Variants in AOPEP observed in about 807,000 individuals in gnomAD.
AOPEP encodes the protein aminopeptidase O.
AOPEP carries 77 observed loss-of-function variants against 98.1 expected under a neutral mutation model. The ratio of observed to expected loss-of-function variants is 0.78; its 90% CI spans 0.65 to 0.95. The LOEUF is 0.95. Among genes scored for constraint, AOPEP ranks in the 40% least tolerant of loss-of-function variants. The pLI is 0.00. For missense variants in AOPEP, 1,024 were observed against 1,024.7 expected (o/e 1.00, Z 0.01); for synonymous variants, 346 against 365.3 (o/e 0.95, Z 0.60).
intron 5 of AOPEP, among the ~76,000 whole-genome samples, chr9:94,903,831 T>C (rs1448056829): frequency 7.1e-6 from 1 of 139,936 alleles, no homozygotes; most frequent in Admixed American, 7.7e-5. Context: ...GAGAAGGAGG[T>C]TGCAGTGAGC....
intron 13 of AOPEP, 144 bp downstream of exon 13, chr9:95,005,760 C>T (rs1444968195): frequency 1.8e-5 from 12 of 674,168 alleles, no homozygotes; most frequent in Non-Finnish European, 2.7e-5. Context: ...TGGGGAAATT[C>T]TACAGAAATA....
chr9:94,807,667 T>G (rs1391223116), intron 5 of AOPEP, among the ~76,000 whole-genome samples: 1 of 152,210 alleles, frequency 6.6e-6, no homozygotes, highest in Non-Finnish European at 1.5e-5. Context: ...AAAAGAACAA[T>G]GGAGTTCAGT....
At chr9:94,754,623 C>T (rs1181462252) in intron 1 of AOPEP, among the ~76,000 whole-genome samples, 1 of 152,210 alleles carries the variant, frequency 6.6e-6, no homozygotes. Context: ...ATTGAAATCA[C>T]AAATACCTTT....
At chr9:95,090,315 G>A (rs2070848596), downstream of AOPEP, among the ~76,000 whole-genome samples, 1 of 152,256 alleles carries the variant, frequency 6.6e-6, no homozygotes, top group Non-Finnish European at 1.5e-5. Flanking sequence ...GCCGGGTCCA[G>A]TCCTTCCCCC....
chr9:95,018,742 C>T (rs546963540), intron 13 of AOPEP: 34 of 152,344 alleles, frequency 2.2e-4, no homozygotes, highest in African/African-American at 6.3e-4. Context: ...AGCACACAGG[C>T]GCTGGGTGGT....
chr9:94,901,040 C>A (rs2050323438), intron 5 of AOPEP: 1 of 152,054 alleles, frequency 6.6e-6, no homozygotes, highest in African/African-American at 2.4e-5. Flanking sequence ...AAGGTGGTTG[C>A]CATTTGGCTT....
intron 7 of AOPEP, among the ~76,000 whole-genome samples, chr9:94,945,330 A>C (rs2137631736): frequency 6.6e-6 from 1 of 152,246 alleles, no homozygotes; most frequent in South Asian, 2.1e-4. Flanking sequence ...CCCAGATATG[A>C]ATGTTCCGTT....
chr9:94,838,909 C>CT (rs35849023), intron 5 of AOPEP, among the ~76,000 whole-genome samples: 76,698 of 99,924 alleles, frequency 0.77, 31,447 homozygotes, highest in Non-Finnish European at 0.86. Context: ...AAATGCTATT[C>CT]TTTTTTTTTT....
chr9:95,111,661 G>C, the AOPEP span: 1 of 1,613,952 alleles, frequency 6.2e-7, no homozygotes, highest in South Asian at 1.1e-5. Flanking sequence ...AGAACACATG[G>C]CAGTTGACAA....
intron 16 of AOPEP, chr9:95,085,095 C>A (rs1181975211): frequency 2.9e-5 from 11 of 376,746 alleles, no homozygotes; most frequent in African/African-American, 2.3e-4. Context: ...ACTAAACGAA[C>A]AACAAACAGA....
intron 1 of AOPEP, among the ~76,000 whole-genome samples, chr9:94,756,383 G>A (rs925904863): frequency 5.3e-5 from 8 of 152,072 alleles, no homozygotes; most frequent in Admixed American, 2.0e-4. Context: ...GGGCAACATG[G>A]CAAGACCTCG....
chr9:94,788,145 T>G lies in AOPEP; in HGVS notation c.965-4620T>G, dbSNP rs368574930. On this transcript the variant is annotated intron_variant, in intron 3 of 16. Transcript: ENST00000375315. Reference sequence around the variant, plus strand: ...GAGTGTAGTGGTGTGATCACAGCTCTACTGCAGCCTGACCTCCTGGGCCCA... The same window carrying G: ...GAGTGTAGTGGTGTGATCACAGCTCGACTGCAGCCTGACCTCCTGGGCCCA... Among the ~76,000 whole-genome samples the G allele has an allele frequency of 1.8e-4, 28 of 152,212 alleles. No homozygotes were observed. In the East Asian group the frequency reaches 4.6e-3, roughly 25 times the overall value.
intron 4 of AOPEP, among the ~76,000 whole-genome samples, chr9:94,799,292 T>C (rs1847704937): frequency 6.6e-6 from 1 of 152,120 alleles, no homozygotes; most frequent in South Asian, 2.1e-4. Flanking sequence ...CAGTGGCTCA[T>C]GCCTATGATT....
At chr9:95,143,623 T>G in the AOPEP span, among the ~76,000 whole-genome samples, 1 of 152,232 alleles carries the variant, frequency 6.6e-6, no homozygotes, top group Non-Finnish European at 1.5e-5. Flanking sequence ...CTTCATTCTT[T>G]TTTTCACTTG....
intron 13 of AOPEP, among the ~76,000 whole-genome samples, chr9:95,017,023 T>C (rs2063060864): frequency 6.7e-6 from 1 of 150,294 alleles, no homozygotes; most frequent in African/African-American, 2.4e-5. Flanking sequence ...TTTATGTATA[T>C]ATAAAATGTG....
rs146219555 is a variant in AOPEP, at chr9:94,946,017, A to C, written c.1662-9160A>C. Among the ~76,000 whole-genome samples the C allele has an allele frequency of 2.9e-3, 438 of 152,292 alleles. 1 individual carries two copies. The Middle Eastern group carries it at 0.031, about 11-fold the overall frequency. On this transcript the variant is annotated intron_variant, in intron 7 of 16. Coordinates refer to ENST00000375315, the MANE Select transcript of AOPEP (RefSeq NM_001193329.3). ...AGCTTATGAGGAGACCTGTCTCAGC[A>C]CATTGCACAGCTCTACCCCGCCCCA...
the AOPEP span, among the ~76,000 whole-genome samples, chr9:95,136,786 C>T: frequency 6.6e-6 from 1 of 152,210 alleles, no homozygotes; most frequent in Non-Finnish European, 1.5e-5. Flanking sequence ...ACTCCCCAGA[C>T]ACAACCATTT....
chr9:95,048,390 A>G (rs529048943), intron 13 of AOPEP, among the ~76,000 whole-genome samples: 29 of 140,332 alleles, frequency 2.1e-4, no homozygotes, highest in Non-Finnish European at 2.6e-4. Context: ...AGAACTTCTC[A>G]TTAGAGTAAT....
chr9:95,015,922 G>C (rs1429764728), intron 13 of AOPEP, among the ~76,000 whole-genome samples: 1 of 152,040 alleles, frequency 6.6e-6, no homozygotes, highest in Non-Finnish European at 1.5e-5. Context: ...GGGTGGTCTC[G>C]AACTCCTGAC....
Sources: gnomAD v4.1 joint callset for allele counts (sites outside exome capture counted in the v4.1 genomes callset) on GRCh38, gnomAD v4.1.1 for gene constraint, MANE v1.5 for transcripts, NCBI Gene and HGNC (gene_info 2026-07-23, HGNC 2026-07-21) for gene names.